The following EYS variants were observed in gnomAD, a reference collection of about 807,000 sequenced individuals.
EYS encodes protein eyes shut homolog.
Under a neutral mutation model 282.1 loss-of-function variants are expected in EYS, and 250 were observed. That is an observed-to-expected ratio of 0.89 (90% CI 0.80 to 0.98). EYS has a LOEUF of 0.98. EYS is among the 50% of genes least tolerant of loss of function. EYS has a pLI of 0.00. For missense variants in EYS, 4,016 were observed against 3,709.0 expected, an observed-to-expected ratio of 1.08 and a Z score of -2.15; for synonymous variants, 1,355 against 1,282.9, an observed-to-expected ratio of 1.06 and a Z score of -1.20.
intron 2 of EYS, among the ~76,000 whole-genome samples, chr6:65,555,446 A>G (rs1250447477): frequency 6.6e-6 from 1 of 152,098 alleles, no homozygotes; most frequent in African/African-American, 2.4e-5. Flanking sequence ...TTCACTATAT[A>G]TTAGTTCATA....
intron 2 of EYS, among the ~76,000 whole-genome samples, chr6:65,559,412 A>G (rs1453965684): frequency 6.6e-6 from 1 of 151,988 alleles, no homozygotes; most frequent in East Asian, 1.9e-4. Flanking sequence ...AGAAAAGAAA[A>G]AAAATTTTTT....
intron 26 of EYS, among the ~76,000 whole-genome samples, chr6:64,446,339 T>C (rs554897966): frequency 1.1e-4 from 17 of 152,270 alleles, no homozygotes; most frequent in Non-Finnish European, 2.1e-4. Flanking sequence ...ACAGAGTTTT[T>C]TTAATAGACT....
intron 12 of EYS, among the ~76,000 whole-genome samples, chr6:65,186,268 C>T (rs1459889666): frequency 2.6e-5 from 4 of 151,644 alleles, no homozygotes; most frequent in Admixed American, 2.0e-4. Context: ...TTTTGTGCTC[C>T]TGCCAATTTG....
chr6:63,749,998 A>G (rs1769303302), intron 41 of EYS, among the ~76,000 whole-genome samples: 1 of 152,200 alleles, frequency 6.6e-6, no homozygotes, highest in Non-Finnish European at 1.5e-5. Context: ...CCTGATTTCA[A>G]GTTTGCCAAT....
chr6:65,203,135 GCCA>G (rs1484390053), intron 12 of EYS, among the ~76,000 whole-genome samples: 2 of 152,100 alleles, frequency 1.3e-5, no homozygotes, highest in Non-Finnish European at 2.9e-5. Flanking sequence ...AAATTCCACT[GCCA>G]CCACCACAAT....
intron 22 of EYS, among the ~76,000 whole-genome samples, chr6:64,671,576 A>T (rs1769464132): frequency 6.6e-6 from 1 of 152,158 alleles, no homozygotes; most frequent in Non-Finnish European, 1.5e-5. Context: ...CATTTCAGGG[A>T]TGAGGAAGGA....
intron 22 of EYS, among the ~76,000 whole-genome samples, chr6:64,633,830 A>T (rs1464668516): frequency 1.3e-5 from 2 of 152,002 alleles, no homozygotes; most frequent in Non-Finnish European, 2.9e-5. Context: ...ATAGAAGGGG[A>T]TCTTTCAACC....
chr6:65,400,731 T>C (rs933372585), intron 7 of EYS, among the ~76,000 whole-genome samples: 2 of 152,000 alleles, frequency 1.3e-5, no homozygotes, highest in Non-Finnish European at 2.9e-5. Flanking sequence ...TAAATTTAGA[T>C]CTATAGCATA....
At chr6:64,226,097 T>C (rs1314851241) in intron 31 of EYS, among the ~76,000 whole-genome samples, 1 of 152,152 alleles carries the variant, frequency 6.6e-6, no homozygotes, top group Non-Finnish European at 1.5e-5. Context: ...AGAACTTTAC[T>C]AATGCTCTGT....
At chr6:64,904,455 GC>G (rs1767764002) in intron 16 of EYS, among the ~76,000 whole-genome samples, 1 of 152,048 alleles carries the variant, frequency 6.6e-6, no homozygotes, top group Non-Finnish European at 1.5e-5. Context: ...AATCGCCATT[GC>G]TGTTTTCTAT....
At chr6:64,196,533 G>T (rs1339097907) in intron 31 of EYS, among the ~76,000 whole-genome samples, 3 of 152,054 alleles carry the variant, frequency 2.0e-5, no homozygotes, top group Non-Finnish European at 2.9e-5. Flanking sequence ...AGAAAATGTG[G>T]CACATATACA....
intron 2 of EYS, among the ~76,000 whole-genome samples, chr6:65,580,437 A>T (rs1040531547): frequency 2.0e-5 from 3 of 152,270 alleles, no homozygotes; most frequent in Middle Eastern, 6.8e-3. Flanking sequence ...ATTTGTAGAC[A>T]ACAAATTACA....
intron 14 of EYS, among the ~76,000 whole-genome samples, chr6:64,950,592 T>C (rs1769453947): frequency 6.6e-6 from 1 of 150,696 alleles, no homozygotes; most frequent in East Asian, 2.0e-4. Flanking sequence ...GAAAGAAAAA[T>C]GGTTTTATCA....
intron 30 of EYS, among the ~76,000 whole-genome samples, chr6:64,244,181 T>G (rs1398461601): frequency 6.6e-6 from 1 of 152,198 alleles, no homozygotes; most frequent in Non-Finnish European, 1.5e-5. Flanking sequence ...TTTTATCTAT[T>G]TTGAATTGCT....
intron 12 of EYS, among the ~76,000 whole-genome samples, chr6:65,245,577 C>A (rs1263311984): frequency 6.6e-6 from 1 of 151,938 alleles, no homozygotes; most frequent in Non-Finnish European, 1.5e-5. Flanking sequence ...TGTTCTTTCT[C>A]AGTTCTTGTG....
At chr6:64,905,443 T>C (rs2150073151) in intron 16 of EYS, among the ~76,000 whole-genome samples, 1 of 152,340 alleles carries the variant, frequency 6.6e-6, no homozygotes, top group South Asian at 2.1e-4. Flanking sequence ...GCAGGGAGGA[T>C]CTTTACATGC....
chr6:64,214,716 C>T (rs921956561), intron 31 of EYS, among the ~76,000 whole-genome samples: 5 of 151,824 alleles, frequency 3.3e-5, no homozygotes, highest in African/African-American at 1.2e-4. Flanking sequence ...AATAAAGGCC[C>T]TCTAAACCTA....
At chr6:64,574,317 C>G (rs1016232682) in intron 26 of EYS, among the ~76,000 whole-genome samples, 5 of 152,072 alleles carry the variant, frequency 3.3e-5, no homozygotes, top group African/African-American at 7.2e-5. Flanking sequence ...GGAGAAATAC[C>G]TAATGTAGAT....
chr6:65,434,386 T>C (rs1202967165), intron 5 of EYS, among the ~76,000 whole-genome samples: 1 of 151,038 alleles, frequency 6.6e-6, no homozygotes, highest in Non-Finnish European at 1.5e-5. Context: ...AGTGGTGCAA[T>C]CTCGGCTCAC....
Sources: gnomAD v4.1 joint callset for allele counts (sites outside exome capture counted in the v4.1 genomes callset) on GRCh38, gnomAD v4.1.1 for gene constraint, MANE v1.5 for transcripts, NCBI Gene and HGNC (gene_info 2026-07-23, HGNC 2026-07-21) for gene names.